SLC14A2: variants seen among roughly 807,000 people sequenced by gnomAD.
SLC14A2 encodes solute carrier family 14 member 2.
A neutral mutation model predicts 104.6 loss-of-function variants in SLC14A2; 91 were observed. The observed-to-expected ratio is 0.87, with a 90% CI of 0.73 to 1.04. The LOEUF is 1.04. Among genes scored for constraint, SLC14A2 ranks in the 50% least tolerant of loss-of-function variants. The pLI is 0.00. For synonymous variants in SLC14A2, 476 were observed against 466.4 expected, an observed-to-expected ratio of 1.02 and a Z score of -0.27; for missense variants, 1,189 against 1,156.0, an observed-to-expected ratio of 1.03 and a Z score of -0.41.
chr18:45,400,656 C>G (rs2086086064), intron 1 of SLC14A2, among the ~76,000 whole-genome samples: 1 of 152,102 alleles, frequency 6.6e-6, no homozygotes, highest in Non-Finnish European at 1.5e-5. Context: ...ATGTTTCTTG[C>G]CTGAGTTAAT....
chr18:45,461,013 T>A (rs2087035761), intron 1 of SLC14A2, among the ~76,000 whole-genome samples: 1 of 152,158 alleles, frequency 6.6e-6, no homozygotes, highest in South Asian at 2.1e-4. Context: ...TCCTATGAGA[T>A]CTCAGCTCCC....
intron 1 of SLC14A2, among the ~76,000 whole-genome samples, chr18:45,441,219 G>C (rs1273024566): frequency 2.0e-5 from 3 of 152,090 alleles, no homozygotes; most frequent in Non-Finnish European, 2.9e-5. Context: ...TTAAAATGTA[G>C]TTTTACATAA....
intron 10 of SLC14A2, among the ~76,000 whole-genome samples, chr18:45,657,455 C>T (rs2045856331): frequency 6.9e-6 from 1 of 144,124 alleles, no homozygotes; most frequent in African/African-American, 2.6e-5. Context: ...CCACTGCACT[C>T]CAGTCTGGGT....
At chr18:45,681,559 G>A (rs1416048973) in intron 19 of SLC14A2, among the ~76,000 whole-genome samples, 1 of 152,184 alleles carries the variant, frequency 6.6e-6, no homozygotes, top group Non-Finnish European at 1.5e-5. Flanking sequence ...AAGAGAAAAA[G>A]AGCTGGAGAT....
intron 1 of SLC14A2, among the ~76,000 whole-genome samples, chr18:45,384,950 G>A (rs1314514168): frequency 6.6e-6 from 1 of 152,202 alleles, no homozygotes; most frequent in East Asian, 1.9e-4. Context: ...AAGTAAAGAT[G>A]AACAGGGAGC....
chr18:45,512,549 T>C (rs2043380774), intron 2 of SLC14A2, among the ~76,000 whole-genome samples: 1 of 152,184 alleles, frequency 6.6e-6, no homozygotes, highest in Non-Finnish European at 1.5e-5. Flanking sequence ...TGGAACCCCT[T>C]CATCCAGTGC....
chr18:45,510,108 T>C (rs1317571397), intron 2 of SLC14A2, among the ~76,000 whole-genome samples: 1 of 152,214 alleles, frequency 6.6e-6, no homozygotes, highest in Non-Finnish European at 1.5e-5. Context: ...AGTGAGACAC[T>C]TAACCTCTTT....
chr18:45,257,558 A>C (rs1209976800), intron 1 of SLC14A2, among the ~76,000 whole-genome samples: 1 of 152,218 alleles, frequency 6.6e-6, no homozygotes, highest in African/African-American at 2.4e-5. Flanking sequence ...TAAAATATGC[A>C]AGTCATGAGT....
At chr18:45,301,640 G>A (rs2084969911) in intron 1 of SLC14A2, among the ~76,000 whole-genome samples, 1 of 152,236 alleles carries the variant, frequency 6.6e-6, no homozygotes, top group African/African-American at 2.4e-5. Flanking sequence ...ATTTGTTTTT[G>A]TGCAATTCAA....
chr18:45,669,171 G>T (rs1338409642), intron 15 of SLC14A2, 135 bp from the exon 16 acceptor site: 1 of 705,546 alleles, frequency 1.4e-6, no homozygotes, highest in African/African-American at 1.8e-5. Flanking sequence ...GACCTGCTCA[G>T]GGCCAGTCAG....
intron 1 of SLC14A2, among the ~76,000 whole-genome samples, chr18:45,405,576 T>A (rs2086145085): frequency 6.6e-6 from 1 of 152,162 alleles, no homozygotes; most frequent in African/African-American, 2.4e-5. Flanking sequence ...AAGATGTACA[T>A]ACCTTAATTT....
At chr18:45,419,134 C>T (rs1394679851) in intron 1 of SLC14A2, among the ~76,000 whole-genome samples, 1 of 152,258 alleles carries the variant, frequency 6.6e-6, no homozygotes, top group Non-Finnish European at 1.5e-5. Flanking sequence ...TGCCAGTAAG[C>T]ATTGCTGCTA....
chr18:45,171,936 A>T, the SLC14A2 span, among the ~76,000 whole-genome samples: 2 of 152,068 alleles, frequency 1.3e-5, no homozygotes, highest in Non-Finnish European at 2.9e-5. Flanking sequence ...GCAAATCACT[A>T]CTGGTATCTT....
intron 1 of SLC14A2, among the ~76,000 whole-genome samples, chr18:45,335,140 C>G (rs2085326667): frequency 1.3e-5 from 2 of 152,068 alleles, no homozygotes; most frequent in Non-Finnish European, 2.9e-5. Flanking sequence ...ATCTTATGCC[C>G]CTTTGTCATC....
At chr18:45,287,047 G>A (rs1332707892) in intron 1 of SLC14A2, among the ~76,000 whole-genome samples, 3 of 152,152 alleles carry the variant, frequency 2.0e-5, no homozygotes, top group African/African-American at 7.2e-5. Context: ...CTTCTCCAAA[G>A]GAGAGCCATT....
At chr18:45,648,290 C>T (rs1374678301) in intron 10 of SLC14A2, among the ~76,000 whole-genome samples, 3 of 150,118 alleles carry the variant, frequency 2.0e-5, no homozygotes, top group African/African-American at 7.4e-5. Flanking sequence ...ACTGCAAGCT[C>T]CGCCTCCCGG....
At chr18:45,372,017 T>C (rs886933854) in intron 1 of SLC14A2, among the ~76,000 whole-genome samples, 10 of 152,146 alleles carry the variant, frequency 6.6e-5, no homozygotes, top group African/African-American at 1.7e-4. Context: ...TGATAAGTAA[T>C]TCATTTATAT....
chr18:45,314,020 G>A (rs576958712), intron 1 of SLC14A2, among the ~76,000 whole-genome samples: 1 of 152,316 alleles, frequency 6.6e-6, no homozygotes, highest in African/African-American at 2.4e-5. Context: ...CAGGAAGCTT[G>A]CCTTATTTGT....
rs146878729 is a variant in SLC14A2 at position 45,289,416 on chromosome 18, T to A, written c.-125+76225T>A. On this transcript the variant is annotated intron_variant, in intron 1 of 20. Coordinates refer to the SLC14A2 transcript ENST00000586448. ...TGGAATTTAATGAAAATCCCTTAAT[T>A]AAATCTTCTGGGGATTTCCATGAAA... 6.7e-3 allele frequency among the ~76,000 whole-genome samples: 1,020 copies of A among 152,072 alleles called. 10 individuals are homozygous for A. Among genetic ancestry groups the A allele is most frequent in the Non-Finnish European group, 0.01 (700 of 67,982 alleles).
Sources: allele counts gnomAD v4.1 joint callset (sites outside exome capture counted in the v4.1 genomes callset), GRCh38; gene constraint gnomAD v4.1.1; transcripts MANE v1.5; gene names NCBI Gene and HGNC (gene_info 2026-07-23, HGNC 2026-07-21).